Variants in CHST12 observed in about 807,000 individuals in gnomAD.
The protein encoded by CHST12 is carbohydrate (chondroitin 4) sulfotransferase 12.
A neutral mutation model predicts 27.9 loss-of-function variants in CHST12; 23 were observed. The ratio of observed to expected loss-of-function variants is 0.82; its 90% CI spans 0.59 to 1.17. CHST12 has a LOEUF of 1.17. Ranked by LOEUF, CHST12 falls within the 50% of genes most tolerant of loss-of-function variation. The pLI, the probability that CHST12 is intolerant of heterozygous loss-of-function variation, is 0.00. For synonymous variants in CHST12, 322 were observed against 273.0 expected (o/e 1.18, Z -1.77); for missense variants, 682 against 603.0 (o/e 1.13, Z -1.37).
chr7:2,419,373 TCTGAATGATAGAGTGGA>T (rs1781902411), intron 1 of CHST12, among the ~76,000 whole-genome samples: 1 of 124,314 alleles, frequency 8.0e-6, no homozygotes, highest in Non-Finnish European at 1.6e-5. Flanking sequence ...TGCACTCAAG[TCTGAATGATAGAGTGGA>T]ACCCTGTCTC....
At position 2,432,996 on chromosome 7, in the gene CHST12, G is replaced by A; in HGVS notation, c.357G>A (p.Arg119=). ...RDARRSPDQG[R]QQAERRSVLR... ...CCCGGCGCAGCCCAGACCAGGGCCG[G>A]CAGCAGGCGGAGCGGAGGAGCGTGC... The change falls in exon 2 of 2, where the codon CGG becomes CGA. Residue 119 remains arginine (R), a synonymous_variant. Transcript: ENST00000618655. 28 of 1,610,176 alleles carry A rather than the reference G, an allele frequency of 1.7e-5. No homozygotes were observed. The highest frequency in any genetic ancestry group is 2.4e-5 in the Non-Finnish European group (28 of 1,178,680).
chr7:2,419,061 T>C (rs989595305), intron 1 of CHST12, among the ~76,000 whole-genome samples: 1 of 150,864 alleles, frequency 6.6e-6, no homozygotes, highest in African/African-American at 2.4e-5. Flanking sequence ...GCTTCCCAAA[T>C]TGCTGGGATC....
At chr7:2,418,030 C>A (rs1031478025) in intron 1 of CHST12, among the ~76,000 whole-genome samples, 17 of 152,256 alleles carry the variant, frequency 1.1e-4, no homozygotes, top group Admixed American at 9.8e-4. Flanking sequence ...GTCACGGTGA[C>A]ACACAGCTGA....
chr7:2,446,932 A>T lies in CHST12; in HGVS notation c.*13048A>T, dbSNP rs1417736582. ...CACTGCCCAGCCACTGGGTCCAGTA[A>T]GACAGAGCCTCGAGTCATTCTGCCA... On this transcript the variant is annotated 3_prime_UTR_variant, in exon 2 of 2. Transcript: ENST00000618655. 1 of 152,276 alleles carries T rather than the reference A, an allele frequency of 6.6e-6. No individual in the cohort carries two copies. 9.4% of individuals were successfully genotyped at this position (152,276 alleles called of 1,614,324 possible).
intron 1 of CHST12, among the ~76,000 whole-genome samples, chr7:2,429,636 C>A (rs890500774): frequency 6.6e-6 from 1 of 152,146 alleles, no homozygotes; most frequent in African/African-American, 2.4e-5. Flanking sequence ...TCTGTTTCAT[C>A]TAGGTTGCTA....
At chr7:2,408,984 C>T (rs1781595577) in intron 1 of CHST12, among the ~76,000 whole-genome samples, 1 of 152,122 alleles carries the variant, frequency 6.6e-6, no homozygotes, top group Admixed American at 6.6e-5. Context: ...ATACAGTTGG[C>T]AGAGTTGGGG....
rs537319044 is a variant in CHST12 at position 2,432,927 on chromosome 7, C to T, written c.288C>T (p.Ser96=). 1 of 1,612,836 alleles carries T rather than the reference C, an allele frequency of 6.2e-7. No homozygotes were observed. Among genetic ancestry groups the T allele is most frequent in the East Asian group, 2.2e-5 (1 of 44,858 alleles). ...CGGAGCAGCCGCCTGCGCCGGGGAG[C>T]ATGGAGGAGAGCGTGAGAGGCTACG... ...KETEQPPAPG[S]MEESVRGYDW... Residue 96 remains serine, a synonymous_variant, in exon 2 of 2, where the codon AGC becomes AGT. Transcript: ENST00000618655.
intron 1 of CHST12, among the ~76,000 whole-genome samples, chr7:2,412,285 A>T (rs1302616521): frequency 6.6e-6 from 1 of 152,204 alleles, no homozygotes; most frequent in Non-Finnish European, 1.5e-5. Context: ...CTCACGATGG[A>T]GGTTTTAATG....
At chr7:2,409,678 G>A (rs1298025366) in intron 1 of CHST12, among the ~76,000 whole-genome samples, 1 of 152,072 alleles carries the variant, frequency 6.6e-6, no homozygotes, top group Admixed American at 6.6e-5. Context: ...AAGGGAAGCA[G>A]GGACAGAGAC....
chr7:2,411,236 C>T (rs1191421737), intron 1 of CHST12, among the ~76,000 whole-genome samples: 1 of 151,940 alleles, frequency 6.6e-6, no homozygotes, highest in South Asian at 2.1e-4. Context: ...GTGTATACTA[C>T]CATACCTGGC....
rs1419003372 is a variant in CHST12, at chr7:2,437,987, G to C, written c.*4103G>C. 2 of 152,340 alleles carry C rather than the reference G, an allele frequency of 1.3e-5. No homozygotes were observed. The highest frequency in any genetic ancestry group is 1.3e-4 in the Admixed American group (2 of 15,288). The allele number at this position is 152,340 out of a possible 1,614,324, so 9.4% of individuals were successfully genotyped here. On this transcript the variant is annotated 3_prime_UTR_variant, in exon 2 of 2. Transcript: ENST00000618655. ...GCAGGGTGGCTAAGCCCTCGTCCCT[G>C]TGAGGGACAGTGACACGGATGGGAG... is the stretch of plus-strand genomic sequence containing the variant.
At chr7:2,431,482 T>A (rs1414636711) in intron 1 of CHST12, among the ~76,000 whole-genome samples, 1 of 152,184 alleles carries the variant, frequency 6.6e-6, no homozygotes, top group Non-Finnish European at 1.5e-5. Flanking sequence ...CTGACCTGGC[T>A]GGGGGAGAGG....
chr7:2,432,944 G>C lies in CHST12; in HGVS notation c.305G>C (p.Arg102Thr). The change falls in exon 2 of 2, where the codon AGA (arginine) becomes ACA (threonine). Residue 102 changes from arginine to threonine, a missense_variant. By Grantham distance (71) the Arg-to-Thr change is moderately conservative (BLOSUM62 -1). Transcript: ENST00000618655. ...CCGGGGAGCATGGAGGAGAGCGTGA[G>C]AGGCTACGACTGGTCCCCGCGCGAC... ...PAPGSMEESV[R>T]GYDWSPRDAR... is the part of the protein sequence containing the mutation. The C allele has an allele frequency of 6.2e-7, 1 of 1,612,250 alleles. No individual in the cohort carries two copies. The highest frequency in any genetic ancestry group is 8.5e-7 in the Non-Finnish European group (1 of 1,179,414).
At position 2,430,990 on chromosome 7, in the gene CHST12, CAT is replaced by C. The variant is rs371915009; in HGVS notation, c.-77-1570_-77-1569del. Reference sequence around the variant, plus strand: ...GTTCTCTTGTTAGGTGAGTGTTCTGCATATGTCGGTTATGTCCTGTTGGTTGC... The same window carrying C: ...GTTCTCTTGTTAGGTGAGTGTTCTGCATGTCGGTTATGTCCTGTTGGTTGC... On this transcript the variant is annotated intron_variant, in intron 1 of 1. Coordinates refer to ENST00000618655, the MANE Select transcript of CHST12 (RefSeq NM_018641.5). Among the ~76,000 whole-genome samples the C allele has an allele frequency of 1.5e-3, 234 of 152,330 alleles. 4 individuals carry two copies. In the South Asian group the frequency reaches 0.031, roughly 20 times the overall value.
chr7:2,416,711 A>G (rs539061287), intron 1 of CHST12, among the ~76,000 whole-genome samples: 1 of 152,278 alleles, frequency 6.6e-6, no homozygotes, highest in South Asian at 2.1e-4. Context: ...AGGGTTTTGG[A>G]AACTTCAGTA....
At chr7:2,430,830 C>T (rs1040693254) in intron 1 of CHST12, among the ~76,000 whole-genome samples, 11 of 152,242 alleles carry the variant, frequency 7.2e-5, no homozygotes, top group Non-Finnish European at 1.5e-4. Context: ...TCAAATGATC[C>T]ACCCGCCTTG....
At chr7:2,420,870 A>T (rs1387879937) in intron 1 of CHST12, among the ~76,000 whole-genome samples, 2 of 152,102 alleles carry the variant, frequency 1.3e-5, no homozygotes, top group African/African-American at 4.8e-5. Context: ...ATTTTATTTT[A>T]TTATTATTTT....
intron 1 of CHST12, among the ~76,000 whole-genome samples, chr7:2,427,690 A>G (rs1171208656): frequency 6.6e-6 from 1 of 151,992 alleles, no homozygotes; most frequent in African/African-American, 2.4e-5. Flanking sequence ...TAATGAATGG[A>G]TATGGGTTTT....
intron 1 of CHST12, among the ~76,000 whole-genome samples, chr7:2,423,620 A>C (rs375769094): frequency 6.6e-6 from 1 of 152,172 alleles, no homozygotes; most frequent in Non-Finnish European, 1.5e-5. Flanking sequence ...CTCTGCCTCC[A>C]TCAGGCATGC....
Sources: allele counts gnomAD v4.1 joint callset (sites outside exome capture counted in the v4.1 genomes callset), GRCh38; gene constraint gnomAD v4.1.1; transcripts MANE v1.5; gene names NCBI Gene and HGNC (gene_info 2026-07-23, HGNC 2026-07-21).